The following ABR variants were observed in gnomAD, a reference collection of about 807,000 sequenced individuals.
ABR encodes ABR activator of RhoGEF and GTPase, also known as active breakpoint cluster region-related protein.
ABR carries 35 observed loss-of-function variants against 107.2 expected under a neutral mutation model. That is an observed-to-expected ratio of 0.33 (90% CI 0.25 to 0.43). The LOEUF (loss-of-function observed/expected upper bound fraction) is 0.43. Among genes scored for constraint, ABR ranks in the 20% least tolerant of loss-of-function variants. ABR has a pLI of 1.00. For synonymous variants in ABR, 498 were observed against 462.0 expected (o/e 1.08, Z -1.00); for missense variants, 815 against 1,115.2 (o/e 0.73, Z 3.83).
intron 2 of ABR, among the ~76,000 whole-genome samples, chr17:1,124,537 G>A (rs1051026495): frequency 3.3e-5 from 5 of 152,206 alleles, no homozygotes; most frequent in East Asian, 1.9e-4. Context: ...AGTCCCTGTC[G>A]CCAGGAACAC....
At chr17:1,153,848 G>C (rs1220909710) in intron 1 of ABR, 11 of 214,932 alleles carry the variant, frequency 5.1e-5, no homozygotes, top group African/African-American at 2.6e-4. Context: ...CTGTCAGCCT[G>C]TCACACGCAT....
intron 16 of ABR, among the ~76,000 whole-genome samples, chr17:1,024,392 CT>C (rs2072001588): frequency 6.6e-6 from 1 of 152,256 alleles, no homozygotes; most frequent in Admixed American, 6.5e-5. Context: ...GGGTGAGAGC[CT>C]GCGCTGAGGC....
In ABR at chr17:1,148,243, A is replaced by C. The variant is rs1396336050; in HGVS notation, c.62-22876T>G. Among the ~76,000 whole-genome samples, 3 of 152,252 alleles carry C rather than the reference A, an allele frequency of 2.0e-5. No individual in the cohort carries two copies. ...ATACACAAAACGCGGCCTTTACATA[A>C]AACGGATATTATTCGGCTTATATTC... On this transcript the variant is annotated intron_variant, in intron 1 of 22. Transcript: ENST00000302538. The surrounding 1 kb of genome is among the most constrained non-coding windows in gnomAD (Gnocchi z 4.9).
intron 1 of ABR, among the ~76,000 whole-genome samples, chr17:1,196,749 C>T (rs1471893329): frequency 1.3e-5 from 2 of 150,260 alleles, no homozygotes; most frequent in Non-Finnish European, 2.9e-5. Context: ...GGCTGGAGTG[C>T]AGTGGCGCGA....
rs979214322 is a variant in ABR at position 1,200,213 on chromosome 17, A to C, written c.838+28580T>G. 2.6e-5 allele frequency among the ~76,000 whole-genome samples: 4 copies of C among 152,156 alleles called. No homozygotes were observed. Among genetic ancestry groups the C allele is most frequent in the African/African-American group, 9.7e-5 (4 of 41,438 alleles). ...AGCATAACAACCACATAGCATTTGC[A>C]ATGTATTAGGTATTAAAAATAACCT... On this transcript the variant is annotated intron_variant, in intron 1 of 22. Transcript: ENST00000574139. The surrounding 1 kb of genome is among the most constrained non-coding windows in gnomAD (Gnocchi z 4.1).
chr17:1,159,280 G>A (rs76904666), intron 1 of ABR, among the ~76,000 whole-genome samples: 15,197 of 63,152 alleles, frequency 0.24, 3,124 homozygotes, highest in African/African-American at 0.42. Flanking sequence ...ACTCACACAC[G>A]GGAGAGGTAA....
At position 1,005,389 on chromosome 17, in the gene ABR, G is replaced by A; in HGVS notation, c.*691C>T. The A allele has an allele frequency of 2.6e-6, 1 of 379,440 alleles. No homozygotes were observed. The allele number at this position is 379,440 out of a possible 1,614,324, so 23.5% of individuals were successfully genotyped here. Reference sequence around the variant, plus strand: ...TGTGCTAAGCTGGGGACGAGTGTGAGTGTGTCTGCTTGTCCAACATTTGCA... The same window carrying A: ...TGTGCTAAGCTGGGGACGAGTGTGAATGTGTCTGCTTGTCCAACATTTGCA... On this transcript the variant is annotated 3_prime_UTR_variant, in exon 23 of 23. Coordinates refer to ENST00000302538, the MANE Select transcript of ABR (RefSeq NM_021962.5).
At chr17:1,008,654 A>ACCT (rs1474663351) in intron 21 of ABR, among the ~76,000 whole-genome samples, 4 of 152,260 alleles carry the variant, frequency 2.6e-5, no homozygotes, top group African/African-American at 7.2e-5. Flanking sequence ...GGGCGCGTCC[A>ACCT]GGTCTCCACT....
upstream of ABR, among the ~76,000 whole-genome samples, chr17:1,182,929 CCA>C (rs1245691336): frequency 2.0e-5 from 3 of 152,196 alleles, no homozygotes; most frequent in Non-Finnish European, 4.4e-5. Flanking sequence ...CTAACCTTGG[CCA>C]CAGAGACAAG....
rs2042887630 is a variant in ABR at position 1,210,836 on chromosome 17, TAACATC to T, written c.838+17951_838+17956del. ...TTAGAACCGTATTTTTGCATCCTTTTAACATCAACCTGTAGGGCCAGATGGACGGAA... is the reference window on the plus strand; with the variant it reads ...TTAGAACCGTATTTTTGCATCCTTTTAACCTGTAGGGCCAGATGGACGGAA... On this transcript the variant is annotated intron_variant, in intron 1 of 22. Coordinates refer to the ABR transcript ENST00000574139. This position sits in a 1 kb window ranked among gnomAD's most constrained non-coding sequence, Gnocchi z 5.6. Among the ~76,000 whole-genome samples, 1 of 152,178 alleles carries T rather than the reference TAACATC, an allele frequency of 6.6e-6. No homozygotes were observed. Among genetic ancestry groups the T allele is most frequent in the Non-Finnish European group, 1.5e-5 (1 of 68,040 alleles).
chr17:1,167,038 A>T (rs2151586406), intron 1 of ABR, among the ~76,000 whole-genome samples: 1 of 152,172 alleles, frequency 6.6e-6, no homozygotes, highest in East Asian at 1.9e-4. Context: ...GAAATGCAGA[A>T]TCTGAGCTCC....
intron 1 of ABR, among the ~76,000 whole-genome samples, chr17:1,128,823 G>A (rs1043493313): frequency 6.6e-5 from 8 of 121,652 alleles, no homozygotes; most frequent in Non-Finnish European, 1.4e-4. Context: ...GTCACTGAGG[G>A]CACAGTGGAG....
At chr17:1,113,304 T>TTTTTA (rs2038817486) in intron 2 of ABR, among the ~76,000 whole-genome samples, 2 of 146,430 alleles carry the variant, frequency 1.4e-5, no homozygotes, top group African/African-American at 5.2e-5. Context: ...TTTTTTTTTT[T>TTTTTA]GAGACGGAGT....
At chr17:1,217,965 C>G (rs919131765) in intron 1 of ABR, among the ~76,000 whole-genome samples, 4 of 151,616 alleles carry the variant, frequency 2.6e-5, no homozygotes, top group Non-Finnish European at 2.9e-5. Flanking sequence ...AAAGTGCTGG[C>G]ATTACAGGAA....
chr17:1,228,131 G>A (rs995599147), intron 1 of ABR: 1 of 152,188 alleles, frequency 6.6e-6, no homozygotes, highest in African/African-American at 2.4e-5. Flanking sequence ...CAGGCCAGCC[G>A]GAAAACGAGA....
chr17:1,197,928 G>A (rs2042599976), intron 1 of ABR, among the ~76,000 whole-genome samples: 2 of 151,712 alleles, frequency 1.3e-5, no homozygotes, highest in African/African-American at 4.9e-5. Flanking sequence ...CCTGCTGACT[G>A]TCAGATCAAA....
chr17:1,080,355 G>A (rs1022347108), intron 5 of ABR, among the ~76,000 whole-genome samples: 1 of 152,072 alleles, frequency 6.6e-6, no homozygotes, highest in Non-Finnish European at 1.5e-5. Flanking sequence ...AAAGACCCCC[G>A]GGATGACTCA....
chr17:1,209,218 G>A (rs886686355), intron 1 of ABR, among the ~76,000 whole-genome samples: 1 of 152,080 alleles, frequency 6.6e-6, no homozygotes, highest in Admixed American at 6.6e-5. Context: ...TTTACTCTCT[G>A]CAGCTGCGTT....
intron 1 of ABR, among the ~76,000 whole-genome samples, chr17:1,207,663 A>AG (rs2042816531): frequency 6.6e-6 from 1 of 151,796 alleles, no homozygotes; most frequent in Admixed American, 6.6e-5. Context: ...AAAAAAAAAA[A>AG]AAAGAGAAGT....
Sources: gnomAD v4.1 joint callset for allele counts (sites outside exome capture counted in the v4.1 genomes callset) on GRCh38, gnomAD v4.1.1 for gene constraint, Gnocchi (gnomAD v3.1) non-coding constraint, MANE v1.5 for transcripts, NCBI Gene and HGNC (gene_info 2026-07-23, HGNC 2026-07-21) for gene names.